Variants in ATP2B4 observed in about 807,000 individuals in gnomAD.
ATP2B4 encodes plasma membrane calcium-transporting ATPase 4.
Under a neutral mutation model 110.3 loss-of-function variants are expected in ATP2B4, and 39 were observed. The observed-to-expected ratio is 0.35, with a 90% CI of 0.27 to 0.46. ATP2B4 has a LOEUF of 0.46. Ranked by LOEUF, ATP2B4 falls within the 20% of genes least tolerant of loss-of-function variation. The pLI is 1.00. For synonymous variants in ATP2B4, 538 were observed against 571.7 expected (o/e 0.94, Z 0.84); for missense variants, 1,135 against 1,530.9 (o/e 0.74, Z 4.32).
chr1:203,634,685 G>A (rs1245629801), intron 1 of ATP2B4, among the ~76,000 whole-genome samples: 1 of 151,874 alleles, frequency 6.6e-6, no homozygotes, highest in East Asian at 1.9e-4. Flanking sequence ...TTGTTTTTGA[G>A]ACCGGGTCTT....
intron 17 of ATP2B4, among the ~76,000 whole-genome samples, chr1:203,721,760 T>C (rs1418174336): frequency 1.3e-5 from 2 of 150,736 alleles, no homozygotes; most frequent in African/African-American, 4.9e-5. Context: ...CCTCCCAGGT[T>C]CAAGTGATTT....
At position 203,660,081 on chromosome 1, in the gene ATP2B4, CAAAAA is replaced by C. The variant is rs1220626290; in HGVS notation, c.-464-22646_-464-22642del. ...TGGGCGGCAGAGCAAGACTCCATCT[CAAAAA>C]AAAAAAAAAAAAAAGAAAGAAAGAA... On this transcript the variant is annotated intron_variant, in intron 1 of 20. Coordinates refer to ENST00000357681, the MANE Select transcript of ATP2B4 (RefSeq NM_001684.5). Among the ~76,000 whole-genome samples, 567 of 145,104 alleles carry C rather than the reference CAAAAA, an allele frequency of 3.9e-3. 4 individuals carry two copies. Among genetic ancestry groups the C allele is most frequent in the African/African-American group, 0.014 (540 of 38,544 alleles).
chr1:203,719,037 C>T (rs948218790), intron 15 of ATP2B4, among the ~76,000 whole-genome samples: 2 of 151,606 alleles, frequency 1.3e-5, no homozygotes, highest in African/African-American at 4.9e-5. Context: ...CCAGCCTGGA[C>T]AATATAGTGA....
chr1:203,666,809 C>T (rs1482069507), intron 1 of ATP2B4, among the ~76,000 whole-genome samples: 2 of 152,200 alleles, frequency 1.3e-5, no homozygotes, highest in African/African-American at 4.8e-5. Flanking sequence ...CAGTTCCCTT[C>T]CTGCCCTTCT....
Position 203,733,061 on chromosome 1 carries a change from G to C in ATP2B4, c.3309+5490G>C, listed in dbSNP as rs1446721066. Among the ~76,000 whole-genome samples the C allele has an allele frequency of 3.3e-5, 5 of 152,082 alleles. No homozygotes were observed. In the East Asian group the frequency reaches 9.6e-4, roughly 29 times the overall value. On this transcript the variant is annotated intron_variant, in intron 20 of 20. Transcript: ENST00000357681. ...CGTTTTTCTCCTTCTCCTCACCATT[G>C]CTTTTTGTGGGAGGGAAGCTCTCTC... is the stretch of plus-strand genomic sequence containing the variant.
intron 1 of ATP2B4, among the ~76,000 whole-genome samples, chr1:203,645,109 G>C (rs984117483): frequency 6.6e-6 from 1 of 152,202 alleles, no homozygotes; most frequent in Non-Finnish European, 1.5e-5. Flanking sequence ...ATTCAGATTA[G>C]TGAAGTGTAC....
chr1:203,681,218 G>A (rs998903423), intron 1 of ATP2B4, among the ~76,000 whole-genome samples: 2 of 152,184 alleles, frequency 1.3e-5, no homozygotes, highest in African/African-American at 2.4e-5. Context: ...CGAGGAGGAC[G>A]CAAAGGGCAA....
intron 20 of ATP2B4, among the ~76,000 whole-genome samples, chr1:203,729,051 G>A (rs529471908): frequency 1.8e-4 from 28 of 152,028 alleles, no homozygotes; most frequent in African/African-American, 6.5e-4. Context: ...CCAGGAGGCG[G>A]AGGTTGCAGT....
At chr1:203,672,776 A>G (rs1664714035) in intron 1 of ATP2B4, among the ~76,000 whole-genome samples, 1 of 152,094 alleles carries the variant, frequency 6.6e-6, no homozygotes, top group Non-Finnish European at 1.5e-5. Flanking sequence ...TCCTGTGGAG[A>G]TAGAAGACAG....
chr1:203,713,227 C>T lies in ATP2B4; in HGVS notation c.2274C>T (p.Pro758=). The part of the protein sequence containing the change: ...PKLRVLARSS[P]TDKHTLVKGI... ...TTCGGGTCCTGGCGCGATCTTCTCCCACTGACAAGCACACCCTGGTGAAAG... is the reference window on the plus strand; with the variant it reads ...TTCGGGTCCTGGCGCGATCTTCTCCTACTGACAAGCACACCCTGGTGAAAG... The change falls in exon 14 of 21, where the codon CCC becomes CCT. Residue 758 remains proline (P), a synonymous_variant. Transcript: ENST00000357681. 2 of 1,614,142 alleles carry T rather than the reference C, an allele frequency of 1.2e-6. No homozygotes were observed. Among genetic ancestry groups the T allele is most frequent in the South Asian group, 1.1e-5 (1 of 91,080 alleles).
chr1:203,724,879 T>G (rs978297102), intron 19 of ATP2B4, among the ~76,000 whole-genome samples: 15 of 143,380 alleles, frequency 1.0e-4, no homozygotes, highest in Non-Finnish European at 1.7e-4. Flanking sequence ...TTTTTTTTTT[T>G]TTTTTTTTTT....
intron 20 of ATP2B4, among the ~76,000 whole-genome samples, chr1:203,738,740 T>A (rs1666931522): frequency 6.6e-6 from 1 of 152,234 alleles, no homozygotes; most frequent in South Asian, 2.1e-4. Flanking sequence ...ATTTGAATTA[T>A]GAGAGCCAGG....
intron 20 of ATP2B4, chr1:203,728,261 T>C: frequency 2.2e-6 from 1 of 457,848 alleles, no homozygotes; most frequent in Non-Finnish European, 4.5e-6. Context: ...CCCCTGCTGC[T>C]CTTATGTCCC....
At position 203,743,389 on chromosome 1, in the gene ATP2B4, C is replaced by T. The variant is rs1667031330; in HGVS notation, c.*3535C>T. The T allele has an allele frequency of 6.6e-6, 1 of 152,626 alleles. No individual in the cohort carries two copies. The highest frequency in any genetic ancestry group is 2.4e-5 in the African/African-American group (1 of 41,432). 9.5% of individuals were successfully genotyped at this position (152,626 alleles called of 1,614,324 possible). A position where few individuals can be genotyped will look rare whatever the true frequency, so the allele number is the denominator to read the frequency against. On this transcript the variant is annotated 3_prime_UTR_variant, in exon 21 of 21. Coordinates refer to ENST00000357681, the MANE Select transcript of ATP2B4 (RefSeq NM_001684.5). ...GCCTGCTATTGTTAAGCCATTCCAG[C>T]CTCTTCCTCTGAATAGACCAGACGC...
intron 15 of ATP2B4, among the ~76,000 whole-genome samples, chr1:203,716,221 A>G (rs1666154675): frequency 6.9e-6 from 1 of 145,224 alleles, no homozygotes; most frequent in Admixed American, 6.9e-5. Context: ...GTTGGATCAT[A>G]AAAGAAAAAG....
chr1:203,706,531 T>C (rs1665853929), intron 8 of ATP2B4, among the ~76,000 whole-genome samples: 3 of 152,192 alleles, frequency 2.0e-5, no homozygotes, highest in Non-Finnish European at 4.4e-5. Context: ...AGAGGCATTG[T>C]TGTAAACAAG....
rs528072491 is a variant in ATP2B4 at position 203,689,045 on chromosome 1, C to T, written c.193+5647C>T. On this transcript the variant is annotated intron_variant, in intron 2 of 20. Transcript: ENST00000357681. ...CCCCTCCTTTTATTGTCTCTTCTTTCCCTGTCCCATTCCCACCTCAACCAA... is the reference window on the plus strand; with the variant it reads ...CCCCTCCTTTTATTGTCTCTTCTTTTCCTGTCCCATTCCCACCTCAACCAA... 2.6e-4 allele frequency among the ~76,000 whole-genome samples: 39 copies of T among 152,250 alleles called. No individual in the cohort carries two copies. In the South Asian group the frequency reaches 6.2e-3, roughly 24 times the overall value.
chr1:203,649,587 A>G (rs1663912590), intron 1 of ATP2B4, among the ~76,000 whole-genome samples: 1 of 152,146 alleles, frequency 6.6e-6, no homozygotes, highest in African/African-American at 2.4e-5. Flanking sequence ...TCTGAGTAAC[A>G]TGGGGAAACC....
At chr1:203,645,469 T>C (rs553331230) in intron 1 of ATP2B4, among the ~76,000 whole-genome samples, 1 of 152,182 alleles carries the variant, frequency 6.6e-6, no homozygotes, top group Non-Finnish European at 1.5e-5. Flanking sequence ...TGTGAGGGGT[T>C]TTTTTATTTT....
Sources: allele counts gnomAD v4.1 joint callset (sites outside exome capture counted in the v4.1 genomes callset), GRCh38; gene constraint gnomAD v4.1.1; transcripts MANE v1.5; gene names NCBI Gene and HGNC (gene_info 2026-07-23, HGNC 2026-07-21).